RHOT1: variants seen among roughly 807,000 people sequenced by gnomAD.
RHOT1 encodes ras homolog family member T1, also known as mitochondrial Rho GTPase 1.
Under a neutral mutation model 95.3 loss-of-function variants are expected in RHOT1, and 27 were observed. The ratio of observed to expected loss-of-function variants is 0.28; its 90% CI spans 0.21 to 0.39. The LOEUF (loss-of-function observed/expected upper bound fraction) is 0.39. Among genes scored for constraint, RHOT1 ranks in the 10% least tolerant of loss-of-function variants. The pLI is 1.00. For synonymous variants in RHOT1, 227 were observed against 263.5 expected, an observed-to-expected ratio of 0.86 and a Z score of 1.34; for missense variants, 578 against 786.7, an observed-to-expected ratio of 0.73 and a Z score of 3.17.
intron 15 of RHOT1, 140 bp from the exon 16 acceptor site, chr17:32,203,750 C>G (rs376932394): frequency 2.9e-5 from 19 of 644,098 alleles, no homozygotes; most frequent in South Asian, 1.3e-4. Context: ...ATCAATATCT[C>G]CTTTGTACTG....
intron 8 of RHOT1, among the ~76,000 whole-genome samples, chr17:32,187,893 A>T (rs1418739044): frequency 2.6e-5 from 4 of 152,260 alleles, no homozygotes; most frequent in Non-Finnish European, 5.9e-5. Flanking sequence ...GATTGAAAAA[A>T]GTCAAATAAT....
At chr17:32,152,708 T>G (rs895393640) in intron 1 of RHOT1, among the ~76,000 whole-genome samples, 1 of 152,066 alleles carries the variant, frequency 6.6e-6, no homozygotes, top group African/African-American at 2.4e-5. Flanking sequence ...TGCTAAGAGA[T>G]CCTATGTGAT....
At chr17:32,184,409 C>T (rs758787677) in intron 8 of RHOT1, among the ~76,000 whole-genome samples, 3 of 152,108 alleles carry the variant, frequency 2.0e-5, no homozygotes, top group Non-Finnish European at 2.9e-5. Flanking sequence ...TAGCATGTAT[C>T]AGTATTTCAT....
intron 15 of RHOT1, 77 bp from the exon 16 acceptor site, chr17:32,203,813 C>T: frequency 1.0e-6 from 1 of 967,820 alleles, no homozygotes; most frequent in Non-Finnish European, 1.7e-6. Context: ...AACACACCTG[C>T]ACATATACAC....
At chr17:32,151,023 G>A in intron 1 of RHOT1, 19 of 1,458,990 alleles carry the variant, frequency 1.3e-5, no homozygotes, top group Non-Finnish European at 1.7e-5. Context: ...ACCTGGGAGT[G>A]GGGGAAGAGG....
At position 32,175,378 on chromosome 17, in the gene RHOT1, C is replaced by A; in HGVS notation, c.222+16C>A. ...AATATCTCAGGTGAGCTTTAAAAAA[C>A]AGAGGTGTGGGGTTTTGTGTAGAAA... On this transcript the variant is annotated intron_variant, in intron 4 of 19. Transcript: ENST00000545287. 6.2e-7 allele frequency: 1 copy of A among 1,607,390 alleles called. No individual in the cohort carries two copies. Among genetic ancestry groups the A allele is most frequent in the Non-Finnish European group, 8.5e-7 (1 of 1,173,914 alleles).
At chr17:32,211,927 G>A (rs904553180) in intron 19 of RHOT1, among the ~76,000 whole-genome samples, 2 of 152,068 alleles carry the variant, frequency 1.3e-5, no homozygotes, top group African/African-American at 4.8e-5. Flanking sequence ...AAAAAAGGAT[G>A]CATATATTCC....
chr17:32,178,162 A>T (rs2035175211), intron 6 of RHOT1, among the ~76,000 whole-genome samples: 1 of 151,648 alleles, frequency 6.6e-6, no homozygotes, highest in Non-Finnish European at 1.5e-5. Context: ...GCCACTCCCA[A>T]ATTCCTGGCC....
Position 32,193,108 on chromosome 17 carries a change from T to C in RHOT1, c.640-28T>C, listed in dbSNP as rs564663856. On this transcript the variant is annotated intron_variant, in intron 9 of 19. Transcript: ENST00000545287. The stretch of plus-strand genomic sequence containing the variant: ...TTGTGGTTTTAACGCTGGTTTGTTT[T>C]TAAATATATTTTTATGTTTTTTGCT... 1.6e-5 allele frequency: 23 copies of C among 1,419,788 alleles called. No homozygotes were observed. In the South Asian group the frequency reaches 2.8e-4, roughly 17 times the overall value. The allele number at this position is 1,419,788 out of a possible 1,614,324, so 87.9% of individuals were successfully genotyped here. A position where few individuals can be genotyped will look rare whatever the true frequency, so the allele number is the denominator to read the frequency against.
At position 32,184,021 on chromosome 17, in the gene RHOT1, T is replaced by C. The variant is rs946897010; in HGVS notation, c.540+749T>C. ...TATAGCTAAGAAACACAGTAACTCC[T>C]TATTGAAATATCCAAAATTTAATAT... is the stretch of plus-strand genomic sequence containing the variant. On this transcript the variant is annotated intron_variant, in intron 8 of 19. Coordinates refer to ENST00000545287, the MANE Select transcript of RHOT1 (RefSeq NM_001033566.3). Among the ~76,000 whole-genome samples the C allele has an allele frequency of 5.9e-5, 9 of 152,254 alleles. No homozygotes were observed. In the South Asian group the frequency reaches 1.9e-3, roughly 31 times the overall value.
chr17:32,143,119 T>C (rs2030670207), intron 1 of RHOT1: 4 of 557,186 alleles, frequency 7.2e-6, no homozygotes, highest in Admixed American at 6.7e-5. Context: ...CAGACCTTCT[T>C]GTCTTCTGGA....
intron 1 of RHOT1, among the ~76,000 whole-genome samples, chr17:32,144,563 C>T (rs1019009656): frequency 2.0e-5 from 3 of 151,846 alleles, no homozygotes; most frequent in African/African-American, 7.3e-5. Flanking sequence ...AATGCTCCCA[C>T]ACAGCTGGGT....
intron 1 of RHOT1, among the ~76,000 whole-genome samples, chr17:32,165,181 C>T (rs1462890914): frequency 6.6e-6 from 1 of 151,572 alleles, no homozygotes; most frequent in Non-Finnish European, 1.5e-5. Flanking sequence ...ACTAAAAATA[C>T]AAAAAATTAG....
chr17:32,174,274 A>G (rs2034816834), intron 3 of RHOT1, among the ~76,000 whole-genome samples: 1 of 152,236 alleles, frequency 6.6e-6, no homozygotes, highest in South Asian at 2.1e-4. Flanking sequence ...TTTTCTATTG[A>G]GTACATGTTG....
In RHOT1 at chr17:32,214,068, C is replaced by T. The variant is rs114471883; in HGVS notation, c.1862+2830C>T. ...TTTTCAAACACTCCTTCCTTATCCC[C>T]GTTAGTATTTCAATCATTTATTTAA... On this transcript the variant is annotated intron_variant, in intron 19 of 19. Coordinates refer to ENST00000545287, the MANE Select transcript of RHOT1 (RefSeq NM_001033566.3). Among the ~76,000 whole-genome samples, 559 of 152,236 alleles carry T rather than the reference C, an allele frequency of 3.7e-3. 5 individuals carry two copies. Among genetic ancestry groups the T allele is most frequent in the African/African-American group, 0.013 (521 of 41,534 alleles).
At chr17:32,179,050 A>AGG (rs2035313442) in intron 6 of RHOT1, 1 of 77,472 alleles carries the variant, frequency 1.3e-5, no homozygotes, top group African/African-American at 5.2e-5. Flanking sequence ...GGGAAATGGG[A>AGG]AGCGCCTCTG....
Position 32,182,750 on chromosome 17 carries a change from AT to A in RHOT1, c.330-3del. ...TTCCTTATTACAATGTGCCCTGTTT[AT>A]TTTAGGCTGCCTTTAATATTGGTTG... is the stretch of plus-strand genomic sequence containing the variant. On this transcript the variant is annotated splice_region_variant and splice_polypyrimidine_tract_variant and intron_variant, in intron 6 of 19. Coordinates refer to ENST00000545287, the MANE Select transcript of RHOT1 (RefSeq NM_001033566.3). The A allele has an allele frequency of 6.5e-7, 1 of 1,534,360 alleles. No homozygotes were observed. The highest frequency in any genetic ancestry group is 8.9e-7 in the Non-Finnish European group (1 of 1,119,850).
chr17:32,196,535 T>C (rs112768979), intron 11 of RHOT1, among the ~76,000 whole-genome samples: 161 of 152,144 alleles, frequency 1.1e-3, no homozygotes, highest in Non-Finnish European at 2.1e-3. Flanking sequence ...TCATTCATGA[T>C]CTGTTCTCCT....
At chr17:32,189,773 C>T (rs1303990436) in intron 8 of RHOT1, among the ~76,000 whole-genome samples, 1 of 131,818 alleles carries the variant, frequency 7.6e-6, no homozygotes, top group Non-Finnish European at 1.5e-5. Context: ...GTCTCTGTCT[C>T]CCAGGGTGGA....
Sources: gnomAD v4.1 joint callset for allele counts (sites outside exome capture counted in the v4.1 genomes callset) on GRCh38, gnomAD v4.1.1 for gene constraint, MANE v1.5 for transcripts, NCBI Gene and HGNC (gene_info 2026-07-23, HGNC 2026-07-21) for gene names.